The following FHIT variants were observed in gnomAD, a reference collection of about 807,000 sequenced individuals.
FHIT encodes the protein bis(5'-adenosyl)-triphosphatase.
A neutral mutation model predicts 17.9 loss-of-function variants in FHIT; 19 were observed. That is an observed-to-expected ratio of 1.06 (90% CI 0.74 to 1.56). The LOEUF (loss-of-function observed/expected upper bound fraction) is 1.56. Among genes scored for constraint, FHIT ranks in the 40% most tolerant of loss-of-function variants. The pLI, the probability that FHIT is intolerant of heterozygous loss-of-function variation, is 0.00. For missense variants in FHIT, 248 were observed against 189.2 expected (o/e 1.31, Z -1.82); for synonymous variants, 81 against 69.7 (o/e 1.16, Z -0.81).
chr3:60,919,240 A>T (rs1707157761), intron 3 of FHIT, among the ~76,000 whole-genome samples: 1 of 152,200 alleles, frequency 6.6e-6, no homozygotes, highest in Non-Finnish European at 1.5e-5. Flanking sequence ...CACGCGTTAT[A>T]TTTGAGTGTG....
intron 5 of FHIT, among the ~76,000 whole-genome samples, chr3:60,318,602 C>T (rs1411196049): frequency 6.6e-6 from 1 of 152,170 alleles, no homozygotes; most frequent in African/African-American, 2.4e-5. Context: ...CAATGACTGA[C>T]ATCCTGATCA....
At chr3:60,798,933 T>G (rs1425082853) in intron 4 of FHIT, among the ~76,000 whole-genome samples, 2 of 151,654 alleles carry the variant, frequency 1.3e-5, no homozygotes, top group Non-Finnish European at 2.9e-5. Context: ...AGTTTTTGTA[T>G]TTTTAGTATA....
At chr3:59,886,024 C>A (rs1238494889) in intron 8 of FHIT, among the ~76,000 whole-genome samples, 1 of 152,180 alleles carries the variant, frequency 6.6e-6, no homozygotes, top group African/African-American at 2.4e-5. Flanking sequence ...TGGGGAACAC[C>A]ATTCCATTGG....
intron 5 of FHIT, among the ~76,000 whole-genome samples, chr3:60,392,443 T>G (rs928051012): frequency 6.6e-6 from 1 of 152,168 alleles, no homozygotes; most frequent in Non-Finnish European, 1.5e-5. Flanking sequence ...CAACATCAAT[T>G]TCCAAGGAAA....
At chr3:60,318,478 G>T (rs1405972128) in intron 5 of FHIT, among the ~76,000 whole-genome samples, 3 of 152,102 alleles carry the variant, frequency 2.0e-5, no homozygotes, top group Non-Finnish European at 4.4e-5. Context: ...AAACAAAACA[G>T]AACAAAACAA....
intron 8 of FHIT, among the ~76,000 whole-genome samples, chr3:59,881,240 G>A (rs952677557): frequency 2.6e-5 from 4 of 152,160 alleles, no homozygotes; most frequent in African/African-American, 9.7e-5. Context: ...TGCTTCTAGA[G>A]AGGCCAGGTT....
At chr3:60,697,344 G>C (rs2041137357) in intron 4 of FHIT, among the ~76,000 whole-genome samples, 1 of 152,090 alleles carries the variant, frequency 6.6e-6, no homozygotes, top group South Asian at 2.1e-4. Flanking sequence ...ACAATGTATT[G>C]ACTTGGGTGA....
At chr3:61,203,070 C>A (rs942674618) in intron 1 of FHIT, among the ~76,000 whole-genome samples, 8 of 150,664 alleles carry the variant, frequency 5.3e-5, no homozygotes, top group African/African-American at 2.0e-4. Flanking sequence ...GTCCCAGCTA[C>A]TTGGGAGGCT....
At chr3:60,112,761 G>A (rs904062882) in intron 5 of FHIT, among the ~76,000 whole-genome samples, 1 of 152,158 alleles carries the variant, frequency 6.6e-6, no homozygotes, top group Non-Finnish European at 1.5e-5. Context: ...AGCTTCCTGG[G>A]TGAGTCTTTA....
intron 8 of FHIT, among the ~76,000 whole-genome samples, chr3:59,825,209 C>T (rs1298005675): frequency 1.3e-5 from 2 of 152,058 alleles, no homozygotes; most frequent in East Asian, 1.9e-4. Context: ...TGCCTGTTTG[C>T]TTTAGTTCAT....
At chr3:59,878,565 C>G (rs17061302) in intron 8 of FHIT, among the ~76,000 whole-genome samples, 6,241 of 152,292 alleles carry the variant, frequency 0.041, 249 homozygotes, top group Middle Eastern at 0.16. Flanking sequence ...TTCTCAAATA[C>G]ACTCACCCTG....
intron 4 of FHIT, among the ~76,000 whole-genome samples, chr3:60,719,980 A>G (rs1359054989): frequency 6.6e-6 from 1 of 152,082 alleles, no homozygotes; most frequent in African/African-American, 2.4e-5. Flanking sequence ...AACCAGAGAG[A>G]TCTCCCAGGA....
intron 1 of FHIT, among the ~76,000 whole-genome samples, chr3:61,234,374 T>A (rs2040178258): frequency 6.6e-6 from 1 of 152,136 alleles, no homozygotes; most frequent in Non-Finnish European, 1.5e-5. Flanking sequence ...GTTGACCAAG[T>A]GGGATAGATT....
chr3:60,310,806 G>C (rs1357423074), intron 5 of FHIT, among the ~76,000 whole-genome samples: 1 of 152,088 alleles, frequency 6.6e-6, no homozygotes, highest in Non-Finnish European at 1.5e-5. Flanking sequence ...AATTAGATGA[G>C]TACAGGGGAC....
intron 5 of FHIT, among the ~76,000 whole-genome samples, chr3:60,038,886 C>T (rs1365079555): frequency 6.6e-6 from 1 of 152,166 alleles, no homozygotes; most frequent in Admixed American, 6.5e-5. Flanking sequence ...TTGTCTAATG[C>T]TGTGTAACAA....
chr3:59,949,703 C>T (rs1306297704), intron 7 of FHIT, among the ~76,000 whole-genome samples: 1 of 152,214 alleles, frequency 6.6e-6, no homozygotes, highest in African/African-American at 2.4e-5. Flanking sequence ...CTGGGGCTCA[C>T]ATTTGGCTAA....
intron 5 of FHIT, among the ~76,000 whole-genome samples, chr3:60,334,830 A>G (rs1022292306): frequency 1.3e-5 from 2 of 152,308 alleles, no homozygotes; most frequent in Admixed American, 6.5e-5. Flanking sequence ...AAAACTATAT[A>G]TTGATTAAAC....
Position 59,884,653 on chromosome 3 carries a change from T to A in FHIT, c.348+37693A>T, listed in dbSNP as rs544144771. Reference sequence around the variant, plus strand: ...GCAAGGCTACCAGATGGTGACAGATTTGAAAGCTCTTTCTCATATTTTGAG... The same window carrying A: ...GCAAGGCTACCAGATGGTGACAGATATGAAAGCTCTTTCTCATATTTTGAG... On this transcript the variant is annotated intron_variant, in intron 8 of 9. Transcript: ENST00000492590. Among the ~76,000 whole-genome samples the A allele has an allele frequency of 1.9e-4, 29 of 152,318 alleles. 1 individual carries two copies. In the East Asian group the frequency reaches 4.6e-3, roughly 24 times the overall value.
intron 5 of FHIT, among the ~76,000 whole-genome samples, chr3:60,179,559 T>G (rs1453146486): frequency 6.6e-6 from 1 of 152,172 alleles, no homozygotes; most frequent in African/African-American, 2.4e-5. Flanking sequence ...TTTTGGAGGA[T>G]GTGCCATTTT....
Sources: allele counts gnomAD v4.1 joint callset (sites outside exome capture counted in the v4.1 genomes callset), GRCh38; gene constraint gnomAD v4.1.1; transcripts MANE v1.5; gene names NCBI Gene and HGNC (gene_info 2026-07-23, HGNC 2026-07-21).